The following UBE2E2 variants were observed in gnomAD, a reference collection of about 807,000 sequenced individuals.
UBE2E2 encodes the protein ubiquitin-conjugating enzyme E2 E2.
A neutral mutation model predicts 24.7 loss-of-function variants in UBE2E2; 6 were observed. That is an observed-to-expected ratio of 0.24 (90% CI 0.13 to 0.48). The LOEUF is 0.48. Ranked by LOEUF, UBE2E2 falls within the 20% of genes least tolerant of loss-of-function variation. The pLI is 0.99. For missense variants in UBE2E2, 169 were observed against 245.0 expected (o/e 0.69, Z 2.07); for synonymous variants, 104 against 83.6 (o/e 1.24, Z -1.33).
At chr3:23,359,894 A>G (rs953075129) in intron 3 of UBE2E2, among the ~76,000 whole-genome samples, 1 of 152,160 alleles carries the variant, frequency 6.6e-6, no homozygotes, top group African/African-American at 2.4e-5. Flanking sequence ...CTAAACTCTG[A>G]CTGTAGGATC....
chr3:23,500,047 G>T (rs930137880), intron 4 of UBE2E2, among the ~76,000 whole-genome samples: 7 of 152,074 alleles, frequency 4.6e-5, no homozygotes, highest in African/African-American at 1.7e-4. Context: ...GCATAAGGTT[G>T]GGCCAGGGTG....
intron 3 of UBE2E2, among the ~76,000 whole-genome samples, chr3:23,252,947 A>G (rs1016584696): frequency 2.6e-5 from 4 of 152,232 alleles, no homozygotes; most frequent in African/African-American, 4.8e-5. Context: ...TAAGAATCCA[A>G]TAATGGCTGC....
At chr3:23,253,948 A>G (rs181982552) in intron 3 of UBE2E2, among the ~76,000 whole-genome samples, 7 of 152,334 alleles carry the variant, frequency 4.6e-5, no homozygotes, top group Admixed American at 1.3e-4. Context: ...AATAGGGTAT[A>G]TTAATTTTAA....
intron 3 of UBE2E2, among the ~76,000 whole-genome samples, chr3:23,279,224 G>C (rs1378641735): frequency 6.6e-6 from 1 of 152,092 alleles, no homozygotes; most frequent in Non-Finnish European, 1.5e-5. Context: ...TTCAGGGACT[G>C]CTTACCCTGC....
intron 3 of UBE2E2, among the ~76,000 whole-genome samples, chr3:23,294,437 T>A (rs1296867417): frequency 6.6e-6 from 1 of 152,012 alleles, no homozygotes; most frequent in Non-Finnish European, 1.5e-5. Context: ...ATGTTTTACC[T>A]TCCTTGATTA....
rs575460881 is a variant in UBE2E2, at chr3:23,287,774, T to C, written c.227+70462T>C. On this transcript the variant is annotated intron_variant, in intron 3 of 5. Transcript: ENST00000396703. ...CAGTGTTGGTTGTAATGTCTCTCTC[T>C]TTTTTTTTTTTTTTACATCTCTGAT... Among the ~76,000 whole-genome samples, 31 of 77,996 alleles carry C rather than the reference T, an allele frequency of 4.0e-4. No individual in the cohort carries two copies. In the East Asian group the frequency reaches 0.012, roughly 31 times the overall value. The allele number at this position is 77,996 out of a possible 152,430, so 51.2% of individuals were successfully genotyped here.
chr3:23,204,575 C>T (rs1687930121), intron 1 of UBE2E2: 1 of 505,084 alleles, frequency 2.0e-6, no homozygotes, highest in Admixed American at 6.4e-5. Context: ...AAATATTTGC[C>T]TTTACTACGG....
intron 3 of UBE2E2, among the ~76,000 whole-genome samples, chr3:23,320,898 T>TA (rs1694720813): frequency 6.6e-6 from 1 of 152,214 alleles, no homozygotes; most frequent in African/African-American, 2.4e-5. Flanking sequence ...TGTAACAAAT[T>TA]ACCATAATCT....
intron 3 of UBE2E2, among the ~76,000 whole-genome samples, chr3:23,417,555 G>T (rs528295739): frequency 1.3e-5 from 2 of 152,322 alleles, no homozygotes; most frequent in South Asian, 2.1e-4. Flanking sequence ...TGAGGAGGCG[G>T]TCTGTCCCTT....
intron 4 of UBE2E2, among the ~76,000 whole-genome samples, chr3:23,526,290 T>C (rs1375699398): frequency 6.6e-6 from 1 of 152,200 alleles, no homozygotes; most frequent in East Asian, 1.9e-4. Context: ...TGTAGGAAAA[T>C]TTAGTAAAGG....
At chr3:23,235,377 A>G (rs1575491873) in intron 3 of UBE2E2, among the ~76,000 whole-genome samples, 3 of 152,256 alleles carry the variant, frequency 2.0e-5, no homozygotes, top group Admixed American at 2.0e-4. Flanking sequence ...CATGTGCTGA[A>G]GCTCGAAAGC....
intron 4 of UBE2E2, among the ~76,000 whole-genome samples, chr3:23,528,070 C>T (rs551091123): frequency 2.0e-5 from 3 of 152,244 alleles, no homozygotes; most frequent in South Asian, 2.1e-4. Context: ...GAGACCTAAA[C>T]CTGTAGGTTC....
chr3:23,333,132 T>A (rs1193899123), intron 3 of UBE2E2, among the ~76,000 whole-genome samples: 1 of 152,190 alleles, frequency 6.6e-6, no homozygotes, highest in Non-Finnish European at 1.5e-5. Flanking sequence ...AAATACCTAA[T>A]GCCCTGCAAG....
chr3:23,422,379 A>G (rs1448205108), intron 3 of UBE2E2, among the ~76,000 whole-genome samples: 1 of 152,200 alleles, frequency 6.6e-6, no homozygotes, highest in Non-Finnish European at 1.5e-5. Flanking sequence ...ATCTGAAGGA[A>G]GAATCTACTC....
intron 3 of UBE2E2, among the ~76,000 whole-genome samples, chr3:23,299,187 A>G (rs1346029441): frequency 6.6e-6 from 1 of 151,902 alleles, no homozygotes; most frequent in African/African-American, 2.4e-5. Context: ...CTTCTTTATT[A>G]GTCTTGCTGG....
At chr3:23,552,736 AGTT>A (rs1695673238) in intron 5 of UBE2E2, among the ~76,000 whole-genome samples, 1 of 152,178 alleles carries the variant, frequency 6.6e-6, no homozygotes, top group Non-Finnish European at 1.5e-5. Context: ...GTTCTCCATC[AGTT>A]GTTGCCACAT....
chr3:23,220,386 A>G (rs1308871786), intron 3 of UBE2E2, among the ~76,000 whole-genome samples: 1 of 152,206 alleles, frequency 6.6e-6, no homozygotes, highest in African/African-American at 2.4e-5. Flanking sequence ...TAAAAACATT[A>G]CTCACAGTTT....
chr3:23,346,005 G>T (rs551712725), intron 3 of UBE2E2, among the ~76,000 whole-genome samples: 1 of 152,232 alleles, frequency 6.6e-6, no homozygotes, highest in African/African-American at 2.4e-5. Flanking sequence ...ATCAATCATG[G>T]TGCTATGATA....
Position 23,591,708 on chromosome 3 carries a change from CA to C in UBE2E2, c.*1878del, listed in dbSNP as rs1696766631. 1 of 152,196 alleles carries C rather than the reference CA, an allele frequency of 6.6e-6. No homozygotes were observed. Among genetic ancestry groups the C allele is most frequent in the Non-Finnish European group, 1.5e-5 (1 of 68,032 alleles). The allele number at this position is 152,196 out of a possible 1,614,324, so 9.4% of individuals were successfully genotyped here. A position where few individuals can be genotyped will look rare whatever the true frequency, so the allele number is the denominator to read the frequency against. ...TTTGCCAATCCCTGACACAGACCAACATAGACTGGGGGCTGGATGAAAAACA... is the reference window on the plus strand; with the variant it reads ...TTTGCCAATCCCTGACACAGACCAACTAGACTGGGGGCTGGATGAAAAACA... On this transcript the variant is annotated 3_prime_UTR_variant, in exon 6 of 6. Transcript: ENST00000396703.
Sources: gnomAD v4.1 joint callset for allele counts (sites outside exome capture counted in the v4.1 genomes callset) on GRCh38, gnomAD v4.1.1 for gene constraint, MANE v1.5 for transcripts, NCBI Gene and HGNC (gene_info 2026-07-23, HGNC 2026-07-21) for gene names.